Variants in RNF17 observed in about 807,000 individuals in gnomAD.
RNF17 encodes ring finger protein 17, also known as spermatogenesis associated 23.
In RNF17, 31 loss-of-function variants were observed where a neutral mutation model predicts 200.5. The observed-to-expected ratio is 0.15, with a 90% confidence interval of 0.12 to 0.21. RNF17 has a LOEUF of 0.21. Ranked by LOEUF, RNF17 falls within the 10% of genes least tolerant of loss-of-function variation. The pLI is 1.00. For missense variants in RNF17, 1,628 were observed against 1,905.1 expected, an observed-to-expected ratio of 0.85 and a Z score of 2.71; for synonymous variants, 606 against 637.8, an observed-to-expected ratio of 0.95 and a Z score of 0.75.
intron 32 of RNF17, among the ~76,000 whole-genome samples, chr13:24,870,953 C>T (rs1195934686): frequency 6.6e-6 from 1 of 152,198 alleles, no homozygotes; most frequent in African/African-American, 2.4e-5. Flanking sequence ...AGTAAACTCC[C>T]TTGGAGAACA....
At chr13:24,873,408 T>C (rs748810810) in intron 32 of RNF17, among the ~76,000 whole-genome samples, 49 of 152,240 alleles carry the variant, frequency 3.2e-4, no homozygotes, top group Non-Finnish European at 6.8e-4. Flanking sequence ...TGTTACATTT[T>C]CTTCTTTGTA....
rs139085235 is a variant in RNF17 at position 24,796,232 on chromosome 13, A to C, written c.1336A>C (p.Lys446Gln). ...SQIKDAKVLE[K>Q]KVNEFCNRSS... ...AATAAAAGACGCCAAAGTACTGGAGAAGAAGGTGAATGAATTTTGCAATAG... is the reference window on the plus strand; with the variant it reads ...AATAAAAGACGCCAAAGTACTGGAGCAGAAGGTGAATGAATTTTGCAATAG... The change falls in exon 11 of 36, where the codon AAG (lysine) becomes CAG (glutamine). Residue 446 changes from lysine (K) to glutamine (Q), a missense_variant. By Grantham distance (53) the Lys-to-Gln change is moderately conservative (BLOSUM62 1). Around this residue, in one of 5 missense-constraint regions of RNF17, gnomAD observed 289 missense variants for 384.9 expected, o/e 0.75. Coordinates refer to ENST00000255324, the MANE Select transcript of RNF17 (RefSeq NM_031277.3). 1.2e-6 allele frequency: 2 copies of C among 1,612,480 alleles called. No homozygotes were observed. Among genetic ancestry groups the C allele is most frequent in the Non-Finnish European group, 1.7e-6 (2 of 1,178,966 alleles).
At chr13:24,865,234 C>T (rs1039549253) in intron 29 of RNF17, among the ~76,000 whole-genome samples, 2 of 152,198 alleles carry the variant, frequency 1.3e-5, no homozygotes, top group African/African-American at 2.4e-5. Flanking sequence ...TACCTTCAAA[C>T]CTAGTGCGAT....
At chr13:24,753,044 A>G in the RNF17 span, among the ~76,000 whole-genome samples, 1 of 152,070 alleles carries the variant, frequency 6.6e-6, no homozygotes, top group African/African-American at 2.4e-5. Flanking sequence ...TCAAATCTGA[A>G]AGGGACATTT....
At chr13:24,845,852 C>A (rs1038613416) in intron 22 of RNF17, among the ~76,000 whole-genome samples, 1 of 152,124 alleles carries the variant, frequency 6.6e-6, no homozygotes, top group Admixed American at 6.5e-5. Flanking sequence ...CATAACCCCA[C>A]ACTGAGAAGA....
downstream of RNF17, among the ~76,000 whole-genome samples, chr13:24,880,257 G>GA (rs1315468086): frequency 6.6e-5 from 10 of 152,148 alleles, no homozygotes; most frequent in Non-Finnish European, 4.4e-5. Context: ...GCAAAGGGGG[G>GA]AAACGCCCCT....
intron 32 of RNF17, among the ~76,000 whole-genome samples, chr13:24,873,739 A>G (rs1424112877): frequency 5.4e-5 from 7 of 128,950 alleles, no homozygotes. Context: ...GGCCTCATGT[A>G]ACTGAACCAT....
rs141856175 is a variant in RNF17 at position 24,851,247 on chromosome 13, G to T, written c.3205-209G>T. On this transcript the variant is annotated intron_variant, in intron 23 of 35. Coordinates refer to ENST00000255324, the MANE Select transcript of RNF17 (RefSeq NM_031277.3). ...GACCTCAAGTGATCCGCCCACTTCT[G>T]CCTCTCAAAGTGCTGGGATTACAGG... Among the ~76,000 whole-genome samples the T allele has an allele frequency of 4.4e-3, 667 of 152,344 alleles. 3 individuals carry two copies. Among genetic ancestry groups the T allele is most frequent in the African/African-American group, 0.015 (638 of 41,578 alleles).
chr13:24,877,689 AAAG>A lies in RNF17; in HGVS notation c.4773+508_4773+510del, dbSNP rs143178854. Among the ~76,000 whole-genome samples the A allele has an allele frequency of 3.7e-3, 568 of 152,302 alleles. 3 individuals are homozygous for A. Among genetic ancestry groups the A allele is most frequent in the African/African-American group, 0.013 (533 of 41,568 alleles). ...AATGTGGCATTTCACCTGCATCCTAAAAGAAGAGTGGGAAAGAAAGAATGGTAG... is the reference window on the plus strand; with the variant it reads ...AATGTGGCATTTCACCTGCATCCTAAAAGAGTGGGAAAGAAAGAATGGTAG... On this transcript the variant is annotated intron_variant, in intron 34 of 35. Coordinates refer to ENST00000255324, the MANE Select transcript of RNF17 (RefSeq NM_031277.3).
chr13:24,871,407 G>A (rs1894235831), intron 32 of RNF17, among the ~76,000 whole-genome samples: 1 of 152,034 alleles, frequency 6.6e-6, no homozygotes, highest in South Asian at 2.1e-4. Flanking sequence ...ACGTGATCTC[G>A]GCTCACTGCA....
the RNF17 span, chr13:24,752,027 GCAAA>G: frequency 6.6e-6 from 1 of 152,148 alleles, no homozygotes; most frequent in Non-Finnish European, 1.5e-5. Flanking sequence ...GCTGTCTTTT[GCAAA>G]CTGCAGCAAG....
chr13:24,771,371 A>G (rs1880669951), intron 2 of RNF17, among the ~76,000 whole-genome samples: 1 of 111,280 alleles, frequency 9.0e-6, no homozygotes, highest in South Asian at 3.2e-4. Context: ...AATCCTTGCT[A>G]TGTGGCTAGG....
chr13:24,862,880 G>A, intron 28 of RNF17, 87 bp downstream of exon 28: 1 of 799,300 alleles, frequency 1.3e-6, no homozygotes, highest in Non-Finnish European at 2.1e-6. Flanking sequence ...TTGATGATAA[G>A]CAATGGTATA....
chr13:24,802,152 A>G (rs926679354), intron 13 of RNF17, among the ~76,000 whole-genome samples: 1 of 152,010 alleles, frequency 6.6e-6, no homozygotes, highest in East Asian at 1.9e-4. Context: ...CGCCCCGCTA[A>G]TTTTTGTATT....
chr13:24,754,704 A>G, the RNF17 span, among the ~76,000 whole-genome samples: 1 of 152,134 alleles, frequency 6.6e-6, no homozygotes, highest in East Asian at 1.9e-4. Flanking sequence ...AGCCTGGACA[A>G]CATGGTGAGC....
At chr13:24,835,056 C>A (rs967900898) in intron 18 of RNF17, among the ~76,000 whole-genome samples, 21 of 152,054 alleles carry the variant, frequency 1.4e-4, no homozygotes, top group African/African-American at 3.9e-4. Flanking sequence ...GCCATCATTC[C>A]CCCACTTCCC....
chr13:24,802,304 A>G lies in RNF17; in HGVS notation c.1759-77A>G, dbSNP rs549044964. On this transcript the variant is annotated intron_variant, in intron 13 of 35. Transcript: ENST00000255324. ...GTTCGCAGTTGCGTCTGTGGTTGGT[A>G]CAAACCTAAATCCAGAACATTGTAA... is the stretch of plus-strand genomic sequence containing the variant. The G allele has an allele frequency of 4.5e-6, 6 of 1,346,948 alleles. No homozygotes were observed. In the East Asian group the frequency reaches 7.0e-5, roughly 16 times the overall value. The allele number at this position is 1,346,948 out of a possible 1,614,324, so 83.4% of individuals were successfully genotyped here.
chr13:24,882,311 T>TAAGTC (rs1426540589), downstream of RNF17: 12 of 151,682 alleles, frequency 7.9e-5, no homozygotes, highest in South Asian at 2.5e-3. Flanking sequence ...CATATTCAGT[T>TAAGTC]AAGTCACCTG....
intron 3 of RNF17, 38 bp downstream of exon 3, chr13:24,774,942 A>C: frequency 7.9e-7 from 1 of 1,260,084 alleles, no homozygotes; most frequent in South Asian, 1.3e-5. Context: ...ATTTAAAGTC[A>C]ATGTGTTACT....
Sources: allele counts gnomAD v4.1 joint callset (sites outside exome capture counted in the v4.1 genomes callset), GRCh38; gene constraint gnomAD v4.1.1; regional missense constraint gnomAD v4.1.1; transcripts MANE v1.5; gene names NCBI Gene and HGNC (gene_info 2026-07-23, HGNC 2026-07-21).